The following EMP2 variants were observed in gnomAD, a reference collection of about 807,000 sequenced individuals.
EMP2 encodes the protein epithelial membrane protein 2.
EMP2 carries 19 observed loss-of-function variants against 13.7 expected under a neutral mutation model. The ratio of observed to expected loss-of-function variants is 1.38; its 90% CI spans 0.97 to 2.03. The LOEUF (loss-of-function observed/expected upper bound fraction) is 2.03. Ranked by LOEUF, EMP2 falls within the 30% of genes most tolerant of loss-of-function variation. The pLI is 0.00. For missense variants in EMP2, 253 were observed against 220.7 expected, an observed-to-expected ratio of 1.15 and a Z score of -0.93; for synonymous variants, 97 against 84.7, an observed-to-expected ratio of 1.15 and a Z score of -0.80.
In EMP2 at chr16:10,580,003, A is replaced by G. The variant is rs2051015402; in HGVS notation, c.-61+546T>C. On this transcript the variant is annotated intron_variant, in intron 1 of 4. Coordinates refer to ENST00000359543, the MANE Select transcript of EMP2 (RefSeq NM_001424.6). This position sits in a 1 kb window ranked among gnomAD's most constrained non-coding sequence, Gnocchi z 4.3. ...CCAAGCCCTTCTAGAGTTGGCAGGG[A>G]GAGAGGTGTCATCCCAGCAGCGCCT... is the stretch of plus-strand genomic sequence containing the variant. 6.6e-6 allele frequency among the ~76,000 whole-genome samples: 1 copy of G among 152,132 alleles called. No individual in the cohort carries two copies. Among genetic ancestry groups the G allele is most frequent in the South Asian group, 2.1e-4 (1 of 4,826 alleles).
chr16:10,551,434 T>C (rs2050787676), intron 1 of EMP2, among the ~76,000 whole-genome samples: 1 of 152,176 alleles, frequency 6.6e-6, no homozygotes, highest in African/African-American at 2.4e-5. Flanking sequence ...TGAGACAGAG[T>C]CTTGCTCCGT....
chr16:10,574,577 G>C (rs1329960134), intron 1 of EMP2, among the ~76,000 whole-genome samples: 1 of 147,882 alleles, frequency 6.8e-6, no homozygotes, highest in African/African-American at 2.5e-5. Flanking sequence ...TTTTTTTTTT[G>C]AGATGGAGTC....
At chr16:10,551,475 C>T (rs545723344) in intron 1 of EMP2, among the ~76,000 whole-genome samples, 5 of 152,304 alleles carry the variant, frequency 3.3e-5, no homozygotes, top group Non-Finnish European at 7.4e-5. Flanking sequence ...GGCACAATCT[C>T]GGCTCACTGC....
chr16:10,567,766 A>G (rs1298100529), intron 1 of EMP2, among the ~76,000 whole-genome samples: 1 of 152,138 alleles, frequency 6.6e-6, no homozygotes, highest in Non-Finnish European at 1.5e-5. Context: ...CTTGATTCAC[A>G]TCCTCCCAGG....
rs2050604731 is a variant in EMP2, at chr16:10,531,750, TG to T, written c.*1154del. Reference sequence around the variant, plus strand: ...GCATGCAAGTTATGATTTATGTTGATGAATGAATGAATGAATGAATGAATGA... The same window carrying T: ...GCATGCAAGTTATGATTTATGTTGATAATGAATGAATGAATGAATGAATGA... On this transcript the variant is annotated 3_prime_UTR_variant, in exon 5 of 5. Coordinates refer to ENST00000359543, the MANE Select transcript of EMP2 (RefSeq NM_001424.6). 8.5e-5 allele frequency: 1 copy of T among 11,756 alleles called. No homozygotes were observed. The highest frequency in any genetic ancestry group is 3.0e-4 in the African/African-American group (1 of 3,384). 0.7% of individuals were successfully genotyped at this position (11,756 alleles called of 1,614,324 possible).
At chr16:10,569,935 C>T (rs977687463) in intron 1 of EMP2, among the ~76,000 whole-genome samples, 12 of 152,180 alleles carry the variant, frequency 7.9e-5, no homozygotes, top group Non-Finnish European at 1.8e-4. Context: ...GAGGGAGCAG[C>T]CGCCCTGACC....
intron 1 of EMP2, among the ~76,000 whole-genome samples, chr16:10,577,669 T>C (rs28508127): frequency 0.1 from 15,685 of 152,038 alleles, 1,090 homozygotes; most frequent in African/African-American, 0.19. Context: ...CAGCTGCTGC[T>C]GCCAATCACC....
At chr16:10,569,549 G>T (rs1160104252) in intron 1 of EMP2, among the ~76,000 whole-genome samples, 1 of 151,760 alleles carries the variant, frequency 6.6e-6, no homozygotes, top group Non-Finnish European at 1.5e-5. Flanking sequence ...TGAACTCCTG[G>T]GCTCAAGTGA....
intron 1 of EMP2, among the ~76,000 whole-genome samples, chr16:10,551,853 C>A (rs555576895): frequency 2.6e-4 from 40 of 152,240 alleles, no homozygotes; most frequent in African/African-American, 9.6e-4. Context: ...ATTATCCCCC[C>A]ACGGAATGGA....
At chr16:10,575,299 G>A (rs1490184988) in intron 1 of EMP2, among the ~76,000 whole-genome samples, 1 of 120,560 alleles carries the variant, frequency 8.3e-6, no homozygotes, top group Admixed American at 1.1e-4. Flanking sequence ...CGTCGCCCAG[G>A]CTGGAGTGCA....
At chr16:10,544,806 G>A (rs2050727330) in intron 2 of EMP2, 1 of 152,274 alleles carries the variant, frequency 6.6e-6, no homozygotes, top group Non-Finnish European at 1.5e-5. Context: ...GATCGCTTGA[G>A]CCTGGGCAGT....
In EMP2 at chr16:10,533,057, C is replaced by G. The variant is rs749393766; in HGVS notation, c.352G>C (p.Asp118His). 1.2e-6 allele frequency: 2 copies of G among 1,607,212 alleles called. No homozygotes were observed. Among genetic ancestry groups the G allele is most frequent in the East Asian group, 4.5e-5 (2 of 44,550 alleles). Residue 118 changes from aspartate to histidine, a missense_variant, in exon 5 of 5, where the codon GAC becomes CAC. Transcript: ENST00000359543. ...CVMIAASIYT[D>H]RREDIHDKNA... Reference sequence around the variant, plus strand: ...TTGTCGTGAATGTCTTCACGCCTGTCTGTATAAATGGAGGCCGCAATCATG... The same window carrying G: ...TTGTCGTGAATGTCTTCACGCCTGTGTGTATAAATGGAGGCCGCAATCATG...
chr16:10,542,745 C>T (rs1337033070), intron 3 of EMP2, among the ~76,000 whole-genome samples: 1 of 152,200 alleles, frequency 6.6e-6, no homozygotes, highest in Non-Finnish European at 1.5e-5. Flanking sequence ...GTGGGCACAG[C>T]AAAGGCATCA....
At chr16:10,556,632 G>A (rs1040364240) in intron 1 of EMP2, among the ~76,000 whole-genome samples, 31 of 152,334 alleles carry the variant, frequency 2.0e-4, no homozygotes, top group Admixed American at 2.6e-4. Flanking sequence ...ACATGAAAAC[G>A]AGACTCCTCA....
chr16:10,558,478 AGTGTGTGTGTGT>A (rs61441812), intron 1 of EMP2, among the ~76,000 whole-genome samples: 11 of 149,894 alleles, frequency 7.3e-5, no homozygotes, highest in African/African-American at 2.2e-4. Flanking sequence ...GTTTGCTTAA[AGTGTGTGTGTGT>A]GTGTGTGTGT....
intron 1 of EMP2, 143 bp from the exon 2 acceptor site, chr16:10,547,820 C>T: frequency 3.6e-6 from 2 of 561,312 alleles, no homozygotes; most frequent in Non-Finnish European, 3.2e-6. Flanking sequence ...ATCACTTGAG[C>T]CCAGGAGATT....
chr16:10,562,636 T>C (rs549481604), intron 1 of EMP2, among the ~76,000 whole-genome samples: 1 of 152,174 alleles, frequency 6.6e-6, no homozygotes, highest in East Asian at 1.9e-4. Flanking sequence ...ACAAAATCAG[T>C]GTTTTCTATT....
chr16:10,557,550 G>A (rs2050840440), intron 1 of EMP2, among the ~76,000 whole-genome samples: 1 of 152,134 alleles, frequency 6.6e-6, no homozygotes, highest in Non-Finnish European at 1.5e-5. Flanking sequence ...CTAAGCACAT[G>A]TGGTAGAATG....
chr16:10,562,336 T>TTCTCTCTCTCTCTC lies in EMP2; in HGVS notation c.-60-14673_-60-14660dup, dbSNP rs540802206. ...AAAGCCTCAAGAAGCCTCATGCATG[T>TTCTCTCTCTCTCTC]TCTCTCTCTCTCTCTCTCTCTCTCT... is the stretch of plus-strand genomic sequence containing the variant. On this transcript the variant is annotated intron_variant, in intron 1 of 4. Coordinates refer to ENST00000359543, the MANE Select transcript of EMP2 (RefSeq NM_001424.6). Among the ~76,000 whole-genome samples, 106 of 124,160 alleles carry TTCTCTCTCTCTCTC rather than the reference T, an allele frequency of 8.5e-4. 1 individual carries two copies. The highest frequency in any genetic ancestry group is 1.8e-3 in the African/African-American group (57 of 31,008). The allele number at this position is 124,160 out of a possible 152,430, so 81.5% of individuals were successfully genotyped here. A position where few individuals can be genotyped will look rare whatever the true frequency, so the allele number is the denominator to read the frequency against.
Sources: gnomAD v4.1 joint callset for allele counts (sites outside exome capture counted in the v4.1 genomes callset) on GRCh38, gnomAD v4.1.1 for gene constraint, Gnocchi (gnomAD v3.1) non-coding constraint, MANE v1.5 for transcripts, NCBI Gene and HGNC (gene_info 2026-07-23, HGNC 2026-07-21) for gene names.